KCNA1: variants seen among roughly 807,000 people sequenced by gnomAD.
The protein encoded by KCNA1 is potassium channel, voltage gated shaker related subfamily A, member 1.
KCNA1 carries 19 observed loss-of-function variants against 28.8 expected under a neutral mutation model. That is an observed-to-expected ratio of 0.66 (90% CI 0.46 to 0.97). The LOEUF (loss-of-function observed/expected upper bound fraction) is 0.97, where lower values mean the gene tolerates loss of function less well. Among genes scored for constraint, KCNA1 ranks in the 50% least tolerant of loss-of-function variants. The pLI, the probability that KCNA1 is intolerant of heterozygous loss-of-function variation, is 0.00. For missense variants in KCNA1, 419 were observed against 659.7 expected, an observed-to-expected ratio of 0.64 and a Z score of 4.00; for synonymous variants, 311 against 268.8, an observed-to-expected ratio of 1.16 and a Z score of -1.53.
rs931611707 is a variant in KCNA1 at position 4,910,467 on chromosome 12, G to C, written c.-545G>C. The stretch of plus-strand genomic sequence containing the variant: ...GCACCGCCCCTGCGCCAAGCCAGCC[G>C]GCCAGGTAGGGGGTTCCCCAGCTCG... On this transcript the variant is annotated 5_prime_UTR_variant, in exon 1 of 2. Coordinates refer to ENST00000382545, the MANE Select transcript of KCNA1 (RefSeq NM_000217.3). The surrounding 1 kb of genome is among the most constrained non-coding windows in gnomAD (Gnocchi z 4.9). 3.3e-5 allele frequency: 5 copies of C among 152,526 alleles called. No individual in the cohort carries two copies. Among genetic ancestry groups the C allele is most frequent in the African/African-American group, 1.2e-4 (5 of 41,442 alleles). 9.4% of individuals were successfully genotyped at this position (152,526 alleles called of 1,614,324 possible).
In KCNA1 at chr12:4,913,110, T is replaced by C; in HGVS notation, c.*244T>C. 1 of 529,032 alleles carries C rather than the reference T, an allele frequency of 1.9e-6. No individual in the cohort carries two copies. The highest frequency in any genetic ancestry group is 3.5e-6 in the Non-Finnish European group (1 of 287,636). The allele number at this position is 529,032 out of a possible 1,614,324, so 32.8% of individuals were successfully genotyped here. On this transcript the variant is annotated 3_prime_UTR_variant, in exon 2 of 2. Coordinates refer to ENST00000382545, the MANE Select transcript of KCNA1 (RefSeq NM_000217.3). ...TATTAAAAAATGGGAAAAGAGAGAG[T>C]ATTTTCTAAAACTGGCTTAAAAAGA... is the stretch of plus-strand genomic sequence containing the variant.
Position 4,914,098 on chromosome 12 carries a change from G to A in KCNA1, c.*1232G>A, listed in dbSNP as rs951467410. On this transcript the variant is annotated 3_prime_UTR_variant, in exon 2 of 2. Transcript: ENST00000382545. ...GTGAAAGGCCCAATAGAAATTATGG[G>A]GGGTGGGGGTGGGGGCACTCAGTCA... is the stretch of plus-strand genomic sequence containing the variant. 19 of 166,748 alleles carry A rather than the reference G, an allele frequency of 1.1e-4. No homozygotes were observed. The highest frequency in any genetic ancestry group is 4.1e-4 in the African/African-American group (17 of 41,300). The allele number at this position is 166,748 out of a possible 1,614,324, so 10.3% of individuals were successfully genotyped here.
At position 4,911,887 on chromosome 12, in the gene KCNA1, C is replaced by T; in HGVS notation, c.509C>T (p.Ala170Val). 6.2e-7 allele frequency: 1 copy of T among 1,614,036 alleles called. No homozygotes were observed. Residue 170 changes from alanine to valine, a missense_variant, in exon 2 of 2, where the codon GCC becomes GTC. By Grantham distance (64) the Ala-to-Val change is moderately conservative. Around this residue, in one of 4 missense-constraint regions of KCNA1, gnomAD observed 217 missense variants for 329.6 expected, o/e 0.66. Coordinates refer to ENST00000382545, the MANE Select transcript of KCNA1 (RefSeq NM_000217.3). This position sits in a 1 kb window ranked among gnomAD's most constrained non-coding sequence, Gnocchi z 6.6. Reference sequence around the variant, plus strand: ...AGCTCGGGGCCCGCCAGGGTCATCGCCATCGTCTCCGTCATGGTCATCCTC... The same window carrying T: ...AGCTCGGGGCCCGCCAGGGTCATCGTCATCGTCTCCGTCATGGTCATCCTC... ...PESSGPARVI[A>V]IVSVMVILIS...
Position 4,914,056 on chromosome 12 carries a change from A to T in KCNA1, c.*1190A>T, listed in dbSNP as rs561780718. On this transcript the variant is annotated 3_prime_UTR_variant, in exon 2 of 2. Transcript: ENST00000382545. ...TAATAAAAATTTTAAAAGTAATAAAAATTACAAGTCTGTGGGGTGAAAGGC... is the reference window on the plus strand; with the variant it reads ...TAATAAAAATTTTAAAAGTAATAAATATTACAAGTCTGTGGGGTGAAAGGC... 6.1e-6 allele frequency: 1 copy of T among 165,108 alleles called. No individual in the cohort carries two copies. Among genetic ancestry groups the T allele is most frequent in the South Asian group, 2.1e-4 (1 of 4,690 alleles). The allele number at this position is 165,108 out of a possible 1,614,324, so 10.2% of individuals were successfully genotyped here.
rs953473337 is a variant in KCNA1 at position 4,916,400 on chromosome 12, G to A, written c.*3534G>A. 3 of 167,124 alleles carry A rather than the reference G, an allele frequency of 1.8e-5. No homozygotes were observed. Among genetic ancestry groups the A allele is most frequent in the African/African-American group, 7.2e-5 (3 of 41,466 alleles). The allele number at this position is 167,124 out of a possible 1,614,324, so 10.4% of individuals were successfully genotyped here. A position where few individuals can be genotyped will look rare whatever the true frequency, so the allele number is the denominator to read the frequency against. On this transcript the variant is annotated 3_prime_UTR_variant, in exon 2 of 2. Coordinates refer to ENST00000382545, the MANE Select transcript of KCNA1 (RefSeq NM_000217.3). ...GGCTGTTAGCCATCCCAGAATCTCT[G>A]AAGTGGTTAACTCACCTGAAGTGAT...
chr12:4,911,978 C>G lies in KCNA1; in HGVS notation c.600C>G (p.Gly200=), dbSNP rs1242063851. ...TGAAGGATGACAAGGACTTCACGGG[C>G]ACCGTCCACCGCATCGACAACACCA... The part of the protein sequence containing the change: ...PELKDDKDFT[G]TVHRIDNTTV... Residue 200 remains glycine (G), a synonymous_variant, in exon 2 of 2, where the codon GGC becomes GGG. Coordinates refer to ENST00000382545, the MANE Select transcript of KCNA1 (RefSeq NM_000217.3). The surrounding 1 kb of genome is among the most constrained non-coding windows in gnomAD (Gnocchi z 6.6). 1.2e-6 allele frequency: 2 copies of G among 1,614,046 alleles called. No individual in the cohort carries two copies. Among genetic ancestry groups the G allele is most frequent in the African/African-American group, 2.7e-5 (2 of 74,924 alleles).
Position 4,912,666 on chromosome 12 carries a change from G to C in KCNA1, c.1288G>C (p.Val430Leu), listed in dbSNP as rs749598869. ...GGAAGAGCAGGCTCAGTTGCTCCAC[G>C]TCAGTTCCCCTAACTTAGCCTCTGA... Reference protein sequence around the residue: ...EGEEQAQLLHVSSPNLASDSD... With the variant: ...EGEEQAQLLHLSSPNLASDSD... Residue 430 changes from valine to leucine, a missense_variant, in exon 2 of 2, where the codon GTC (valine) becomes CTC (leucine). Physicochemically the swap from Val to Leu is conservative, Grantham distance 32 (BLOSUM62 1). Coordinates refer to ENST00000382545, the MANE Select transcript of KCNA1 (RefSeq NM_000217.3). 2 of 1,611,310 alleles carry C rather than the reference G, an allele frequency of 1.2e-6. No individual in the cohort carries two copies. The highest frequency in any genetic ancestry group is 8.5e-7 in the Non-Finnish European group (1 of 1,179,684).
In KCNA1 at chr12:4,911,088, A is replaced by T. The variant is rs1947347442; in HGVS notation, c.-291A>T. On this transcript the variant is annotated 5_prime_UTR_variant, in exon 2 of 2. Coordinates refer to ENST00000382545, the MANE Select transcript of KCNA1 (RefSeq NM_000217.3). The surrounding 1 kb of genome is among the most constrained non-coding windows in gnomAD (Gnocchi z 6.6). ...AGGAAGAAATATCTAAACAACAACA[A>T]CAGAAAACCAACAAACCCCCAAACC... is the stretch of plus-strand genomic sequence containing the variant. 2 of 540,310 alleles carry T rather than the reference A, an allele frequency of 3.7e-6. No individual in the cohort carries two copies. 33.5% of individuals were successfully genotyped at this position (540,310 alleles called of 1,614,324 possible).
Position 4,915,856 on chromosome 12 carries a change from G to T in KCNA1, c.*2990G>T, listed in dbSNP as rs1947382585. The T allele has an allele frequency of 6.0e-6, 1 of 167,150 alleles. No individual in the cohort carries two copies. Among genetic ancestry groups the T allele is most frequent in the Non-Finnish European group, 1.5e-5 (1 of 68,164 alleles). The allele number at this position is 167,150 out of a possible 1,614,324, so 10.4% of individuals were successfully genotyped here. ...TTGGGTATTTGGTATATTTACCGTGGTTACACTCTGGACTGGTTGATTCTT... is the reference window on the plus strand; with the variant it reads ...TTGGGTATTTGGTATATTTACCGTGTTTACACTCTGGACTGGTTGATTCTT... On this transcript the variant is annotated 3_prime_UTR_variant, in exon 2 of 2. Transcript: ENST00000382545.
Position 4,912,798 on chromosome 12 carries a change from A to C in KCNA1, c.1420A>C (p.Arg474=), listed in dbSNP as rs139646303. ...AGCCCATTATAGACAGGTCAATATC[A>C]GAACTGCCAATTGCACCACTGCTAA... ...SIAHYRQVNI[R]TANCTTANQN... Residue 474 remains arginine, a synonymous_variant, in exon 2 of 2, where the codon AGA becomes CGA. Transcript: ENST00000382545. 6.2e-7 allele frequency: 1 copy of C among 1,614,148 alleles called. No homozygotes were observed. The highest frequency in any genetic ancestry group is 1.3e-5 in the African/African-American group (1 of 75,050).
rs201504073 is a variant in KCNA1, at chr12:4,911,438, G to A, written c.60G>A (p.Gln20=). 1.9e-6 allele frequency: 3 copies of A among 1,613,728 alleles called. No homozygotes were observed. The highest frequency in any genetic ancestry group is 2.5e-6 in the Non-Finnish European group (3 of 1,179,928). Reference sequence around the variant, plus strand: ...CTTCGGCCGCCCCGGGCCACCCCCAGGATGGCAGCTACCCCCGGCAGGCCG... The same window carrying A: ...CTTCGGCCGCCCCGGGCCACCCCCAAGATGGCAGCTACCCCCGGCAGGCCG... The part of the protein sequence containing the change: ...DEASAAPGHP[Q]DGSYPRQADH... Residue 20 remains glutamine (Q), a synonymous_variant, in exon 2 of 2, where the codon CAG becomes CAA. Coordinates refer to ENST00000382545, the MANE Select transcript of KCNA1 (RefSeq NM_000217.3). This position sits in a 1 kb window ranked among gnomAD's most constrained non-coding sequence, Gnocchi z 6.6.
Position 4,912,976 on chromosome 12 carries a change from T to A in KCNA1, c.*110T>A. On this transcript the variant is annotated 3_prime_UTR_variant, in exon 2 of 2. Transcript: ENST00000382545. ...CACGCTTTGTAGATACTTTACTAAG[T>A]AGACTTGGAATGCTCTATTTAACTG... is the stretch of plus-strand genomic sequence containing the variant. 1.2e-6 allele frequency: 1 copy of A among 822,756 alleles called. No homozygotes were observed. The highest frequency in any genetic ancestry group is 2.1e-6 in the Non-Finnish European group (1 of 468,706). 51.0% of individuals were successfully genotyped at this position (822,756 alleles called of 1,614,324 possible).
rs41482147 is a variant in KCNA1, at chr12:4,918,007, G to C, written c.*5141G>C. 1 of 166,996 alleles carries C rather than the reference G, an allele frequency of 6.0e-6. No homozygotes were observed. The highest frequency in any genetic ancestry group is 1.5e-5 in the Non-Finnish European group (1 of 68,106). The allele number at this position is 166,996 out of a possible 1,614,324, so 10.3% of individuals were successfully genotyped here. Reference sequence around the variant, plus strand: ...AACAAACCATTTAAGCTGAAAAAACGCTATTTTATTTCTTGAGTTTGCCAG... The same window carrying C: ...AACAAACCATTTAAGCTGAAAAAACCCTATTTTATTTCTTGAGTTTGCCAG... On this transcript the variant is annotated 3_prime_UTR_variant, in exon 2 of 2. Transcript: ENST00000382545.
In KCNA1 at chr12:4,911,653, T is replaced by C; in HGVS notation, c.275T>C (p.Ile92Thr). Residue 92 changes from isoleucine to threonine, a missense_variant, in exon 2 of 2, where the codon ATC (isoleucine) becomes ACC (threonine). Physicochemically the swap from Ile to Thr is moderately conservative, Grantham distance 89. Transcript: ENST00000382545. This position sits in a 1 kb window ranked among gnomAD's most constrained non-coding sequence, Gnocchi z 6.6. Reference sequence around the variant, plus strand: ...CGCAACCGGCCCAGCTTCGACGCCATCCTCTACTACTACCAGTCCGGCGGC... The same window carrying C: ...CGCAACCGGCCCAGCTTCGACGCCACCCTCTACTACTACCAGTCCGGCGGC... ...FDRNRPSFDA[I>T]LYYYQSGGRL... is the part of the protein sequence containing the mutation. 1 of 1,614,130 alleles carries C rather than the reference T, an allele frequency of 6.2e-7. No individual in the cohort carries two copies. The highest frequency in any genetic ancestry group is 8.5e-7 in the Non-Finnish European group (1 of 1,180,032).
Position 4,913,009 on chromosome 12 carries a change from G to A in KCNA1, c.*143G>A, listed in dbSNP as rs555794044. 6 of 703,918 alleles carry A rather than the reference G, an allele frequency of 8.5e-6. No individual in the cohort carries two copies. The highest frequency in any genetic ancestry group is 3.2e-5 in the South Asian group (2 of 61,582). The allele number at this position is 703,918 out of a possible 1,614,324, so 43.6% of individuals were successfully genotyped here. On this transcript the variant is annotated 3_prime_UTR_variant, in exon 2 of 2. Transcript: ENST00000382545. Reference sequence around the variant, plus strand: ...GAATGCTCTATTTAACTGTCAATGCGTTGTTGCATTGAGGATTTTGGGGGT... The same window carrying A: ...GAATGCTCTATTTAACTGTCAATGCATTGTTGCATTGAGGATTTTGGGGGT...
chr12:4,911,351 C>T lies in KCNA1; in HGVS notation c.-28C>T, dbSNP rs1274448137. 1.3e-6 allele frequency: 2 copies of T among 1,598,840 alleles called. No homozygotes were observed. Among genetic ancestry groups the T allele is most frequent in the South Asian group, 1.1e-5 (1 of 90,504 alleles). ...CTTCCCACCCCGGGCTCTCTCCTGG[C>T]CTCCCACCCCCGCGCCCGGCTTCCA... is the stretch of plus-strand genomic sequence containing the variant. On this transcript the variant is annotated 5_prime_UTR_variant, in exon 2 of 2. Coordinates refer to ENST00000382545, the MANE Select transcript of KCNA1 (RefSeq NM_000217.3). This position sits in a 1 kb window ranked among gnomAD's most constrained non-coding sequence, Gnocchi z 6.6.
At position 4,916,200 on chromosome 12, in the gene KCNA1, C is replaced by T. The variant is rs1354044364; in HGVS notation, c.*3334C>T. The T allele has an allele frequency of 3.0e-5, 5 of 167,110 alleles. No individual in the cohort carries two copies. The highest frequency in any genetic ancestry group is 1.2e-4 in the African/African-American group (5 of 41,560). The allele number at this position is 167,110 out of a possible 1,614,324, so 10.4% of individuals were successfully genotyped here. On this transcript the variant is annotated 3_prime_UTR_variant, in exon 2 of 2. Coordinates refer to ENST00000382545, the MANE Select transcript of KCNA1 (RefSeq NM_000217.3). The stretch of plus-strand genomic sequence containing the variant: ...TACTTATTCATATTTATTTTAGCAG[C>T]CTTTTTACCTTTTCTTCCCCTTCCT...
Position 4,917,142 on chromosome 12 carries a change from C to T in KCNA1, c.*4276C>T, listed in dbSNP as rs1023613770. On this transcript the variant is annotated 3_prime_UTR_variant, in exon 2 of 2. Coordinates refer to ENST00000382545, the MANE Select transcript of KCNA1 (RefSeq NM_000217.3). ...GTTAGAAAGAATATAAACTGCCAAA[C>T]AAGCATGTTATCTTCAGGCTTTTCC... 4 of 167,016 alleles carry T rather than the reference C, an allele frequency of 2.4e-5. No individual in the cohort carries two copies. The Admixed American group carries it at 2.6e-4, about 11-fold the overall frequency. The allele number at this position is 167,016 out of a possible 1,614,324, so 10.3% of individuals were successfully genotyped here.
rs1163240946 is a variant in KCNA1, at chr12:4,911,410, A to C, written c.32A>C (p.Glu11Ala). Residue 11 changes from glutamate (E) to alanine (A), a missense_variant, in exon 2 of 2, where the codon GAG (glutamate) becomes GCG (alanine). By Grantham distance (107) the Glu-to-Ala change is moderately radical. Transcript: ENST00000382545. This position sits in a 1 kb window ranked among gnomAD's most constrained non-coding sequence, Gnocchi z 6.6. MTVMSGENVD[E>A]ASAAPGHPQD... ...GTGATGTCTGGGGAGAACGTGGACG[A>C]GGCTTCGGCCGCCCCGGGCCACCCC... 6 of 1,612,930 alleles carry C rather than the reference A, an allele frequency of 3.7e-6. No individual in the cohort carries two copies. The highest frequency in any genetic ancestry group is 4.2e-6 in the Non-Finnish European group (5 of 1,179,794).
Sources: allele counts gnomAD v4.1 joint callset, GRCh38; gene constraint gnomAD v4.1.1; regional missense constraint gnomAD v4.1.1; non-coding constraint Gnocchi (gnomAD v3.1); transcripts MANE v1.5; gene names NCBI Gene and HGNC (gene_info 2026-07-23, HGNC 2026-07-21).